Variants in ADCY2 observed in about 807,000 individuals in gnomAD.
ADCY2 encodes adenylate cyclase 2, also known as adenylate cyclase type 2.
A neutral mutation model predicts 125.2 loss-of-function variants in ADCY2; 31 were observed. The observed-to-expected ratio is 0.25, with a 90% CI of 0.19 to 0.33. The LOEUF (loss-of-function observed/expected upper bound fraction) is 0.33, where lower values mean the gene tolerates loss of function less well. ADCY2 is among the 10% of genes least tolerant of loss of function. The pLI, the probability that ADCY2 is intolerant of heterozygous loss-of-function variation, is 1.00. For missense variants in ADCY2, 904 were observed against 1,418.2 expected (o/e 0.64, Z 5.82); for synonymous variants, 512 against 548.4 (o/e 0.93, Z 0.93).
chr5:7,789,819 G>A lies in ADCY2; in HGVS notation c.2628+19G>A. 2 of 1,490,696 alleles carry A rather than the reference G, an allele frequency of 1.3e-6. No homozygotes were observed. Among genetic ancestry groups the A allele is most frequent in the Non-Finnish European group, 8.9e-7 (1 of 1,119,522 alleles). The allele number at this position is 1,490,696 out of a possible 1,614,324, so 92.3% of individuals were successfully genotyped here. On this transcript the variant is annotated intron_variant, in intron 20 of 24. Coordinates refer to ENST00000338316, the MANE Select transcript of ADCY2 (RefSeq NM_020546.3). ...GAATGAGGTCAGACCAGGGGGGCTGGGGGCTGGGGGAGGGGGCTGGATGCC... is the reference window on the plus strand; with the variant it reads ...GAATGAGGTCAGACCAGGGGGGCTGAGGGCTGGGGGAGGGGGCTGGATGCC...
chr5:7,750,097 G>A (rs1439784560), intron 15 of ADCY2, among the ~76,000 whole-genome samples: 1 of 151,988 alleles, frequency 6.6e-6, no homozygotes, highest in Admixed American at 6.6e-5. Context: ...TCTCTTATTT[G>A]ACAAGTGTGA....
chr5:7,447,230 C>A (rs1741297305), intron 2 of ADCY2, among the ~76,000 whole-genome samples: 1 of 152,154 alleles, frequency 6.6e-6, no homozygotes, highest in African/African-American at 2.4e-5. Flanking sequence ...ACTCTCGGGT[C>A]TCTCCTGTGG....
chr5:7,770,734 C>T (rs1336412121), intron 17 of ADCY2, among the ~76,000 whole-genome samples: 1 of 152,108 alleles, frequency 6.6e-6, no homozygotes, highest in Non-Finnish European at 1.5e-5. Context: ...GGGGCAATTT[C>T]CTGGGTTTGA....
intron 4 of ADCY2, among the ~76,000 whole-genome samples, chr5:7,668,177 T>A (rs1419536510): frequency 6.6e-6 from 1 of 152,232 alleles, no homozygotes; most frequent in Admixed American, 6.5e-5. Flanking sequence ...AAAGACTAGA[T>A]GTTTTTGTGA....
chr5:7,648,356 A>G (rs1179659836), intron 4 of ADCY2, among the ~76,000 whole-genome samples: 1 of 152,240 alleles, frequency 6.6e-6, no homozygotes, highest in Non-Finnish European at 1.5e-5. Flanking sequence ...AGAGCAAAGC[A>G]TAAGAATATA....
intron 7 of ADCY2, among the ~76,000 whole-genome samples, chr5:7,700,495 C>A (rs1031108325): frequency 7.2e-5 from 4 of 55,868 alleles, no homozygotes; most frequent in African/African-American, 1.9e-4. Flanking sequence ...TGACCTTATC[C>A]TCAACTTTTT....
intron 22 of ADCY2, among the ~76,000 whole-genome samples, chr5:7,805,302 CAG>C (rs1347128502): frequency 6.6e-6 from 1 of 152,092 alleles, no homozygotes; most frequent in Non-Finnish European, 1.5e-5. Flanking sequence ...GCCCGTGTGA[CAG>C]AGTGACACCG....
chr5:7,526,623 G>T (rs1159671966), intron 3 of ADCY2, among the ~76,000 whole-genome samples: 3 of 152,002 alleles, frequency 2.0e-5, no homozygotes, highest in Admixed American at 2.0e-4. Flanking sequence ...AGAAAAAAAG[G>T]GAGAAAAGGT....
At chr5:7,433,311 CAT>C (rs1734194902) in intron 2 of ADCY2, among the ~76,000 whole-genome samples, 1 of 152,102 alleles carries the variant, frequency 6.6e-6, no homozygotes, top group Non-Finnish European at 1.5e-5. Context: ...TGGGCAAACA[CAT>C]ATTTTATTAA....
chr5:7,420,405 C>T (rs973849870), intron 2 of ADCY2, among the ~76,000 whole-genome samples: 3 of 152,094 alleles, frequency 2.0e-5, no homozygotes, highest in Non-Finnish European at 4.4e-5. Context: ...TAGGCAACAA[C>T]AAGGGTGGGG....
chr5:7,809,581 C>T (rs1288385665), intron 22 of ADCY2, among the ~76,000 whole-genome samples: 1 of 152,150 alleles, frequency 6.6e-6, no homozygotes, highest in Non-Finnish European at 1.5e-5. Flanking sequence ...TATAGGGTAA[C>T]CCAAGGAATA....
At chr5:7,733,364 C>T (rs1037135303) in intron 14 of ADCY2, among the ~76,000 whole-genome samples, 2 of 152,134 alleles carry the variant, frequency 1.3e-5, no homozygotes, top group Non-Finnish European at 2.9e-5. Flanking sequence ...AGACAAGTCT[C>T]GCTGCGGGAT....
intron 3 of ADCY2, among the ~76,000 whole-genome samples, chr5:7,530,841 G>A (rs943413161): frequency 1.3e-5 from 2 of 152,026 alleles, no homozygotes; most frequent in African/African-American, 2.4e-5. Flanking sequence ...TACACATGCT[G>A]TACCCTCTGC....
intron 14 of ADCY2, among the ~76,000 whole-genome samples, chr5:7,734,644 C>G (rs1392790996): frequency 6.6e-6 from 1 of 152,172 alleles, no homozygotes; most frequent in Non-Finnish European, 1.5e-5. Context: ...TCTTGGTATA[C>G]TTAATGGACC....
At chr5:7,403,989 C>T (rs560273328) in intron 1 of ADCY2, among the ~76,000 whole-genome samples, 1 of 150,804 alleles carries the variant, frequency 6.6e-6, no homozygotes, top group African/African-American at 2.4e-5. Context: ...ATTACTAAAG[C>T]GCTGTAATAA....
intron 1 of ADCY2, among the ~76,000 whole-genome samples, chr5:7,398,125 T>C (rs1421756101): frequency 6.6e-6 from 1 of 152,240 alleles, no homozygotes; most frequent in Non-Finnish European, 1.5e-5. Context: ...GTGATTCTCT[T>C]GAACCTGTAA....
chr5:7,741,463 CAT>C (rs1459831381), intron 14 of ADCY2, among the ~76,000 whole-genome samples: 1 of 149,588 alleles, frequency 6.7e-6, no homozygotes, highest in African/African-American at 2.5e-5. Context: ...GCACTTGACA[CAT>C]AGTGAATACT....
intron 3 of ADCY2, among the ~76,000 whole-genome samples, chr5:7,532,789 A>T (rs987155516): frequency 6.6e-6 from 1 of 151,996 alleles, no homozygotes; most frequent in African/African-American, 2.4e-5. Context: ...ATTCTCCTCA[A>T]TAGGTCATGT....
At position 7,396,166 on chromosome 5, in the gene ADCY2, G is replaced by GC. The variant is rs1241493906; in HGVS notation, c.-127dup. The GC allele has an allele frequency of 3.9e-6, 1 of 259,494 alleles. No homozygotes were observed. Among genetic ancestry groups the GC allele is most frequent in the African/African-American group, 2.4e-5 (1 of 42,306 alleles). The allele number at this position is 259,494 out of a possible 1,614,324, so 16.1% of individuals were successfully genotyped here. ...GCGCCGAGCTCCGCCCGCGCCGGAG[G>GC]CCCCTGCGCGCAGCTCCGGGTGCCG... On this transcript the variant is annotated 5_prime_UTR_variant, in exon 1 of 25. Transcript: ENST00000338316. This position sits in a 1 kb window ranked among gnomAD's most constrained non-coding sequence, Gnocchi z 5.7.
Sources: gnomAD v4.1 joint callset for allele counts (sites outside exome capture counted in the v4.1 genomes callset) on GRCh38, gnomAD v4.1.1 for gene constraint, Gnocchi (gnomAD v3.1) non-coding constraint, MANE v1.5 for transcripts, NCBI Gene and HGNC (gene_info 2026-07-23, HGNC 2026-07-21) for gene names.